Variants in KCNJ4 observed in about 807,000 individuals in gnomAD.
The protein encoded by KCNJ4 is inward rectifier potassium channel 4.
Under a neutral mutation model 25.6 loss-of-function variants are expected in KCNJ4, and 3 were observed. The ratio of observed to expected loss-of-function variants is 0.12; its 90% CI spans 0.05 to 0.30. The LOEUF is 0.30. Among genes scored for constraint, KCNJ4 ranks in the 10% least tolerant of loss-of-function variants. KCNJ4 has a pLI of 1.00. For missense variants in KCNJ4, 286 were observed against 666.8 expected, an observed-to-expected ratio of 0.43 and a Z score of 6.29; for synonymous variants, 257 against 283.9, an observed-to-expected ratio of 0.91 and a Z score of 0.95.
At chr22:38,454,692 ATG>A in intron 1 of KCNJ4, among the ~76,000 whole-genome samples, 1 of 152,040 alleles carries the variant, frequency 6.6e-6, no homozygotes, top group Non-Finnish European at 1.5e-5. Context: ...GGGAAAGGTC[ATG>A]GCTGGGGCAG....
At chr22:38,431,495 C>T (rs373821930) in intron 1 of KCNJ4, among the ~76,000 whole-genome samples, 2 of 152,202 alleles carry the variant, frequency 1.3e-5, no homozygotes, top group Non-Finnish European at 2.9e-5. Context: ...GGTGCCTCCC[C>T]GACAGCCCAC....
chr22:38,446,491 C>G (rs2089375515), intron 1 of KCNJ4, among the ~76,000 whole-genome samples: 1 of 152,176 alleles, frequency 6.6e-6, no homozygotes, highest in African/African-American at 2.4e-5. Flanking sequence ...CCGGGGGAGG[C>G]TCAGCTGTCC....
At chr22:38,432,280 T>TAAATAAATAAATA (rs1555917613) in intron 1 of KCNJ4, among the ~76,000 whole-genome samples, 7 of 147,172 alleles carry the variant, frequency 4.8e-5, no homozygotes, top group Admixed American at 1.3e-4. Flanking sequence ...AATAAATAAA[T>TAAATAAATAAATA]AAATAAAATA....
At chr22:38,442,542 A>G (rs1255400851) in intron 1 of KCNJ4, among the ~76,000 whole-genome samples, 2 of 126,206 alleles carry the variant, frequency 1.6e-5, no homozygotes, top group African/African-American at 3.2e-5. Context: ...GCAAGACTCC[A>G]TCAAAAAAAA....
At position 38,435,704 on chromosome 22, in the gene KCNJ4, A is replaced by G. The variant is rs548502010; in HGVS notation, c.-39-7533T>C. On this transcript the variant is annotated intron_variant, in intron 1 of 1. Transcript: ENST00000303592. ...CGAGACTCTGTCTCGGGAAAAAAAA[A>G]AAAAAAGAAATAGACAGAATTAACA... is the stretch of plus-strand genomic sequence containing the variant. Among the ~76,000 whole-genome samples the G allele has an allele frequency of 4.6e-5, 7 of 151,986 alleles. No individual in the cohort carries two copies. The East Asian group carries it at 9.7e-4, about 21-fold the overall frequency.
At chr22:38,441,225 T>G (rs1056425053) in intron 1 of KCNJ4, among the ~76,000 whole-genome samples, 1 of 152,056 alleles carries the variant, frequency 6.6e-6, no homozygotes, top group Non-Finnish European at 1.5e-5. Context: ...GGACTGACCA[T>G]GGTAGCCACA....
intron 1 of KCNJ4, among the ~76,000 whole-genome samples, chr22:38,434,546 C>T (rs920377514): frequency 2.0e-5 from 3 of 152,142 alleles, no homozygotes; most frequent in African/African-American, 7.2e-5. Context: ...AGCTGGAAAT[C>T]TAACTTGAGT....
At chr22:38,428,250 C>T (rs2093039190) in intron 1 of KCNJ4, 79 bp from the exon 2 acceptor site, 2 of 1,313,668 alleles carry the variant, frequency 1.5e-6, no homozygotes, top group Non-Finnish European at 2.1e-6. Context: ...AGCCCCAAGA[C>T]TCTCAGAAGC....
At position 38,449,732 on chromosome 22, in the gene KCNJ4, T is replaced by A. The variant is rs1408996839; in HGVS notation, c.-40+5248A>T. ...CCCATCCATTCAAATCCAGCCTGTTTCCAGCCAGCCACTTCCCCTTGCTGA... is the reference window on the plus strand; with the variant it reads ...CCCATCCATTCAAATCCAGCCTGTTACCAGCCAGCCACTTCCCCTTGCTGA... On this transcript the variant is annotated intron_variant, in intron 1 of 1. Coordinates refer to ENST00000303592, the MANE Select transcript of KCNJ4 (RefSeq NM_152868.3). The surrounding 1 kb of genome is among the most constrained non-coding windows in gnomAD (Gnocchi z 5.2). Among the ~76,000 whole-genome samples the A allele has an allele frequency of 6.6e-6, 1 of 152,240 alleles. No homozygotes were observed. The highest frequency in any genetic ancestry group is 1.5e-5 in the Non-Finnish European group (1 of 68,032).
rs764790753 is a variant in KCNJ4, at chr22:38,427,941, C to T, written c.192G>A (p.Ala64=). 18 of 1,613,692 alleles carry T rather than the reference C, an allele frequency of 1.1e-5. No homozygotes were observed. Among genetic ancestry groups the T allele is most frequent in the African/African-American group, 4.0e-5 (3 of 74,940 alleles). ...AAAAGAGCCAGGAGACAAGGAAGGCCGCGGAGAAGATCATGAGCATGTAGC... is the reference window on the plus strand; with the variant it reads ...AAAAGAGCCAGGAGACAAGGAAGGCTGCGGAGAAGATCATGAGCATGTAGC... ...RWRYMLMIFS[A]AFLVSWLFFG... The change falls in exon 2 of 2, where the codon GCG becomes GCA. Residue 64 remains alanine (A), a synonymous_variant. Transcript: ENST00000303592.
chr22:38,448,471 G>A (rs2089390731), intron 1 of KCNJ4, among the ~76,000 whole-genome samples: 2 of 152,114 alleles, frequency 1.3e-5, no homozygotes, highest in South Asian at 2.1e-4. Context: ...TCGATCCCAG[G>A]CCCCTGACGC....
intron 1 of KCNJ4, among the ~76,000 whole-genome samples, chr22:38,433,916 C>A (rs1206254020): frequency 1.3e-5 from 2 of 152,254 alleles, no homozygotes; most frequent in Non-Finnish European, 2.9e-5. Flanking sequence ...AGGACACTAA[C>A]TTATCTGTCC....
chr22:38,450,308 C>A (rs892428110), intron 1 of KCNJ4, among the ~76,000 whole-genome samples: 1 of 152,018 alleles, frequency 6.6e-6, no homozygotes, highest in African/African-American at 2.4e-5. Flanking sequence ...CGACAGCAGC[C>A]CAACCACAGC....
At chr22:38,432,805 C>CA (rs2093054203) in intron 1 of KCNJ4, among the ~76,000 whole-genome samples, 1 of 151,516 alleles carries the variant, frequency 6.6e-6, no homozygotes, top group Non-Finnish European at 1.5e-5. Flanking sequence ...CCCATCTCTA[C>CA]AAAAAATACA....
At chr22:38,446,954 C>CAAAAAAAAAAA (rs11294836) in intron 1 of KCNJ4, among the ~76,000 whole-genome samples, 2 of 133,904 alleles carry the variant, frequency 1.5e-5, no homozygotes, top group African/African-American at 2.8e-5. Context: ...GACTCCATCT[C>CAAAAAAAAAAA]AAAAAAAAAA....
chr22:38,432,280 T>TAAATAAATAAAATA (rs1555917613), intron 1 of KCNJ4, among the ~76,000 whole-genome samples: 17 of 147,256 alleles, frequency 1.2e-4, no homozygotes, highest in African/African-American at 3.6e-4. Context: ...AATAAATAAA[T>TAAATAAATAAAATA]AAATAAAATA....
Position 38,426,953 on chromosome 22 carries a change from C to A in KCNJ4, c.1180G>T (p.Ala394Ser), listed in dbSNP as rs1455199049. The A allele has an allele frequency of 1.9e-6, 3 of 1,612,580 alleles. No individual in the cohort carries two copies. The highest frequency in any genetic ancestry group is 1.7e-6 in the Non-Finnish European group (2 of 1,179,830). The change falls in exon 2 of 2, where the codon GCG becomes TCG. Residue 394 changes from alanine to serine, a missense_variant. Transcript: ENST00000303592. ...EEEMEEEAAA[A>S]AAVAAGLGLE... ...CCCAGGCCTGCGGCCACCGCGGCCG[C>A]CGCAGCTGCCTCCTCCTCCATCTCC... is the stretch of plus-strand genomic sequence containing the variant.
At chr22:38,452,586 C>T (rs968244985) in intron 1 of KCNJ4, among the ~76,000 whole-genome samples, 1 of 152,152 alleles carries the variant, frequency 6.6e-6, no homozygotes, top group Non-Finnish European at 1.5e-5. Flanking sequence ...GTAATGCACT[C>T]GGCTTTCGTC....
intron 1 of KCNJ4, among the ~76,000 whole-genome samples, chr22:38,434,903 TTCC>T (rs1402487655): frequency 1.3e-5 from 2 of 152,340 alleles, no homozygotes; most frequent in African/African-American, 2.4e-5. Flanking sequence ...TACTGGTACC[TTCC>T]TCACCAGGCC....
Sources: gnomAD v4.1 joint callset for allele counts (sites outside exome capture counted in the v4.1 genomes callset) on GRCh38, gnomAD v4.1.1 for gene constraint, Gnocchi (gnomAD v3.1) non-coding constraint, MANE v1.5 for transcripts, NCBI Gene and HGNC (gene_info 2026-07-23, HGNC 2026-07-21) for gene names.